Variants in CTNNA2 observed in about 807,000 individuals in gnomAD.
The protein encoded by CTNNA2 is catenin alpha 2, also known as catenin alpha-2.
CTNNA2 carries 42 observed loss-of-function variants against 101.0 expected under a neutral mutation model. The ratio of observed to expected loss-of-function variants is 0.42; its 90% CI spans 0.32 to 0.54. The LOEUF is 0.54. CTNNA2 is among the 20% of genes least tolerant of loss of function. CTNNA2 has a pLI of 0.14. For synonymous variants in CTNNA2, 450 were observed against 456.4 expected, an observed-to-expected ratio of 0.99 and a Z score of 0.18; for missense variants, 871 against 1,223.1, an observed-to-expected ratio of 0.71 and a Z score of 4.29.
chr2:80,508,606 C>T (rs1688461344), intron 9 of CTNNA2, among the ~76,000 whole-genome samples: 1 of 151,144 alleles, frequency 6.6e-6, no homozygotes, highest in South Asian at 2.1e-4. Flanking sequence ...TGGATCAACT[C>T]TTATCAGACC....
At chr2:80,598,554 T>A (rs937369396) in intron 15 of CTNNA2, among the ~76,000 whole-genome samples, 9 of 152,178 alleles carry the variant, frequency 5.9e-5, no homozygotes, top group Non-Finnish European at 7.3e-5. Context: ...ACGTAAAAAC[T>A]TGTATTCACC....
At chr2:80,204,019 C>A (rs571050062) in intron 7 of CTNNA2, among the ~76,000 whole-genome samples, 1 of 152,166 alleles carries the variant, frequency 6.6e-6, no homozygotes, top group Non-Finnish European at 1.5e-5. Context: ...TATACCATGG[C>A]CCCTTTTAGT....
At chr2:80,324,436 T>C (rs78390465) in intron 7 of CTNNA2, among the ~76,000 whole-genome samples, 2,190 of 152,294 alleles carry the variant, frequency 0.014, 48 homozygotes, top group African/African-American at 0.049. Flanking sequence ...TCTGATCGTC[T>C]CGGGGTTAAG....
At chr2:80,288,532 T>C (rs1674969669) in intron 7 of CTNNA2, 1 of 152,154 alleles carries the variant, frequency 6.6e-6, no homozygotes. Context: ...AGCTGGCAGT[T>C]GTTGAAAGAA....
intron 9 of CTNNA2, among the ~76,000 whole-genome samples, chr2:80,451,586 C>G (rs994811577): frequency 2.6e-5 from 4 of 152,206 alleles, no homozygotes; most frequent in African/African-American, 9.7e-5. Context: ...CTAGACCTAG[C>G]TTCATGTCAA....
chr2:80,597,963 C>T (rs1347245309), intron 15 of CTNNA2, among the ~76,000 whole-genome samples: 1 of 152,012 alleles, frequency 6.6e-6, no homozygotes, highest in African/African-American at 2.4e-5. Flanking sequence ...GACATACACC[C>T]AAAGGATTAT....
chr2:79,567,117 T>G (rs1327624290), intron 1 of CTNNA2, among the ~76,000 whole-genome samples: 2 of 152,076 alleles, frequency 1.3e-5, no homozygotes, highest in Admixed American at 1.3e-4. Context: ...GAAGAGAAAA[T>G]TAAGTTGGAA....
At chr2:80,601,509 TGGTCTG>T in intron 15 of CTNNA2, 1 of 150,572 alleles carries the variant, frequency 6.6e-6, no homozygotes, top group Non-Finnish European at 1.5e-5. Context: ...ATCTCCTTTC[TGGTCTG>T]TTTTGATAAT....
chr2:80,408,716 G>A (rs1041103022), intron 8 of CTNNA2, among the ~76,000 whole-genome samples: 2 of 152,170 alleles, frequency 1.3e-5, no homozygotes, highest in African/African-American at 2.4e-5. Flanking sequence ...AAGGCTGGGA[G>A]TAAGTAATCG....
intron 7 of CTNNA2, among the ~76,000 whole-genome samples, chr2:80,065,772 C>CT (rs1303632427): frequency 6.6e-6 from 1 of 152,162 alleles, no homozygotes; most frequent in Non-Finnish European, 1.5e-5. Flanking sequence ...CACAAAGCAT[C>CT]AGCTATCATC....
intron 7 of CTNNA2, among the ~76,000 whole-genome samples, chr2:79,919,331 G>A (rs556151282): frequency 2.6e-5 from 4 of 152,308 alleles, no homozygotes; most frequent in East Asian, 3.9e-4. Flanking sequence ...TGAAAGAGGA[G>A]ATGGAAATAA....
intron 9 of CTNNA2, among the ~76,000 whole-genome samples, chr2:80,538,304 C>A (rs1691229870): frequency 6.6e-6 from 1 of 152,238 alleles, no homozygotes; most frequent in Middle Eastern, 3.4e-3. Context: ...TTGCCCATGC[C>A]TATGTCCTGA....
At chr2:79,935,555 A>G (rs79812704) in intron 7 of CTNNA2, among the ~76,000 whole-genome samples, 2 of 152,250 alleles carry the variant, frequency 1.3e-5, no homozygotes, top group East Asian at 3.9e-4. Flanking sequence ...AGTTGATCTC[A>G]TGATCAGCCC....
At chr2:79,903,373 A>G (rs1685203768) in intron 6 of CTNNA2, among the ~76,000 whole-genome samples, 1 of 151,914 alleles carries the variant, frequency 6.6e-6, no homozygotes. Context: ...TAACTTCCTT[A>G]GCTGCAATAA....
chr2:80,546,715 T>C (rs2149634358), intron 11 of CTNNA2, among the ~76,000 whole-genome samples: 1 of 152,334 alleles, frequency 6.6e-6, no homozygotes, highest in South Asian at 2.1e-4. Context: ...CAGTCTGACC[T>C]TTAACAGGAC....
intron 9 of CTNNA2, among the ~76,000 whole-genome samples, chr2:80,462,007 G>C (rs1212604108): frequency 6.6e-6 from 1 of 152,094 alleles, no homozygotes; most frequent in Non-Finnish European, 1.5e-5. Context: ...TAAAAGGTTT[G>C]GTGATGTTTT....
At chr2:79,553,682 G>A (rs577107537) in intron 1 of CTNNA2, among the ~76,000 whole-genome samples, 1 of 152,250 alleles carries the variant, frequency 6.6e-6, no homozygotes, top group Admixed American at 6.5e-5. Flanking sequence ...ACCAGATCTT[G>A]TGAGAACTCA....
intron 7 of CTNNA2, among the ~76,000 whole-genome samples, chr2:80,255,629 C>T (rs1009464775): frequency 6.6e-6 from 1 of 152,104 alleles, no homozygotes; most frequent in Non-Finnish European, 1.5e-5. Flanking sequence ...TCTCTCCTAC[C>T]GCAACTTTGT....
chr2:79,597,465 CAA>C (rs35049509), intron 1 of CTNNA2, among the ~76,000 whole-genome samples: 91,203 of 138,476 alleles, frequency 0.66, 29,543 homozygotes, highest in Non-Finnish European at 0.72. Flanking sequence ...GAGCGGGTCT[CAA>C]AAAAAAAAAA....
Sources: allele counts gnomAD v4.1 joint callset (sites outside exome capture counted in the v4.1 genomes callset), GRCh38; gene constraint gnomAD v4.1.1; transcripts MANE v1.5; gene names NCBI Gene and HGNC (gene_info 2026-07-23, HGNC 2026-07-21).